ZNF326: variants seen among roughly 807,000 people sequenced by gnomAD.
ZNF326 encodes the protein DBIRD complex subunit ZNF326.
In ZNF326, 30 loss-of-function variants were observed where a neutral mutation model predicts 63.1. The ratio of observed to expected loss-of-function variants is 0.48; its 90% CI spans 0.36 to 0.64. ZNF326 has a LOEUF of 0.64. Among genes scored for constraint, ZNF326 ranks in the 30% least tolerant of loss-of-function variants. ZNF326 has a pLI of 0.00. For synonymous variants in ZNF326, 194 were observed against 228.2 expected (o/e 0.85, Z 1.35); for missense variants, 609 against 720.3 (o/e 0.85, Z 1.77).
chr1:90,010,287 G>A lies in ZNF326; in HGVS notation c.814+1G>A. On this transcript the variant is annotated splice_donor_variant, in intron 6 of 11. Coordinates refer to ENST00000340281, the MANE Select transcript of ZNF326 (RefSeq NM_182976.4). LOFTEE classifies it high-confidence loss of function. Reference sequence around the variant, plus strand: ...AAGATAAGCCTCAGCAAATCACCCAGTAAGTAAGAAAACATAATTGCTATG... The same window carrying A: ...AAGATAAGCCTCAGCAAATCACCCAATAAGTAAGAAAACATAATTGCTATG... 1 of 1,611,592 alleles carries A rather than the reference G, an allele frequency of 6.2e-7. No homozygotes were observed. Among genetic ancestry groups the A allele is most frequent in the Non-Finnish European group, 8.5e-7 (1 of 1,179,068 alleles).
intron 9 of ZNF326, 49 bp from the exon 10 acceptor site, chr1:90,020,743 C>A: frequency 6.5e-7 from 1 of 1,549,572 alleles, no homozygotes; most frequent in South Asian, 1.2e-5. Context: ...CTTCATTGGT[C>A]AGAAATAACA....
Position 90,017,474 on chromosome 1 carries a change from T to A in ZNF326, c.1074+10T>A. ...TATGGAGTTTTTGCATGTGAGTAGC[T>A]GTTTTTGAAGTGAGAAGCATTTTAT... is the stretch of plus-strand genomic sequence containing the variant. On this transcript the variant is annotated intron_variant, in intron 8 of 11. Transcript: ENST00000340281. The A allele has an allele frequency of 6.4e-7, 1 of 1,569,396 alleles. No individual in the cohort carries two copies. The highest frequency in any genetic ancestry group is 1.2e-5 in the South Asian group (1 of 80,886).
intron 8 of ZNF326, 88 bp from the exon 9 acceptor site, chr1:90,018,597 G>A (rs1649611461): frequency 3.1e-6 from 2 of 642,002 alleles, no homozygotes; most frequent in Admixed American, 3.2e-5. Flanking sequence ...AGCAGATACT[G>A]TATCTTCCAT....
At chr1:90,006,104 T>A (rs1277016595) in intron 4 of ZNF326, 1 of 985,322 alleles carries the variant, frequency 1.0e-6, no homozygotes, top group East Asian at 1.1e-4. Flanking sequence ...ATGGACTGAA[T>A]GATGCTTACT....
chr1:90,025,695 T>C (rs1410749734), intron 11 of ZNF326, among the ~76,000 whole-genome samples: 1 of 152,208 alleles, frequency 6.6e-6, no homozygotes, highest in Admixed American at 6.5e-5. Context: ...GAAACTGCTC[T>C]TCCTAAGATT....
chr1:90,000,295 T>A (rs1648608827), intron 2 of ZNF326, among the ~76,000 whole-genome samples: 1 of 152,208 alleles, frequency 6.6e-6, no homozygotes, highest in African/African-American at 2.4e-5. Flanking sequence ...TTGGAAAACA[T>A]GGCAAGATAC....
At position 89,998,164 on chromosome 1, in the gene ZNF326, C is replaced by G; in HGVS notation, c.61+10C>G. 1.9e-6 allele frequency: 3 copies of G among 1,612,526 alleles called. No individual in the cohort carries two copies. The highest frequency in any genetic ancestry group is 2.5e-6 in the Non-Finnish European group (3 of 1,179,616). On this transcript the variant is annotated intron_variant, in intron 2 of 11. Coordinates refer to ENST00000340281, the MANE Select transcript of ZNF326 (RefSeq NM_182976.4). ...TATCAGGGCTTTAATGGTAAGTATC[C>G]TCTTTCAGCTTTTCTCTTCATGCGC...
At chr1:90,004,360 A>T (rs976517612) in intron 2 of ZNF326, among the ~76,000 whole-genome samples, 3 of 152,218 alleles carry the variant, frequency 2.0e-5, no homozygotes, top group African/African-American at 7.2e-5. Flanking sequence ...GAGTTTTCAG[A>T]CATTTAAAGA....
At position 90,028,196 on chromosome 1, in the gene ZNF326, C is replaced by T. The variant is rs1650111888; in HGVS notation, c.*495C>T. 6.5e-6 allele frequency: 1 copy of T among 153,746 alleles called. No individual in the cohort carries two copies. The highest frequency in any genetic ancestry group is 6.4e-5 in the Admixed American group (1 of 15,532). The allele number at this position is 153,746 out of a possible 1,614,324, so 9.5% of individuals were successfully genotyped here. A position where few individuals can be genotyped will look rare whatever the true frequency, so the allele number is the denominator to read the frequency against. On this transcript the variant is annotated 3_prime_UTR_variant, in exon 12 of 12. Coordinates refer to ENST00000340281, the MANE Select transcript of ZNF326 (RefSeq NM_182976.4). Reference sequence around the variant, plus strand: ...AAAGGCTCTTTGTGACCATGTTTCCCTTTGTAGCAATAAAATGTTTTTTAC... The same window carrying T: ...AAAGGCTCTTTGTGACCATGTTTCCTTTTGTAGCAATAAAATGTTTTTTAC...
intron 2 of ZNF326, 74 bp from the exon 3 acceptor site, chr1:90,004,929 T>C (rs1449898174): frequency 3.9e-6 from 5 of 1,273,530 alleles, no homozygotes; most frequent in Non-Finnish European, 5.6e-6. Context: ...GATAGGAATA[T>C]CTTGTGTTTT....
chr1:90,027,302 A>C (rs1650055167), intron 11 of ZNF326, 52 bp from the exon 12 acceptor site: 1 of 1,552,856 alleles, frequency 6.4e-7, no homozygotes, highest in South Asian at 1.2e-5. Flanking sequence ...CACTTGCCAG[A>C]TCATGTAATA....
At chr1:89,998,440 C>CA (rs1648509953) in intron 2 of ZNF326, among the ~76,000 whole-genome samples, 1 of 152,090 alleles carries the variant, frequency 6.6e-6, no homozygotes, top group South Asian at 2.1e-4. Context: ...AATCACAAGA[C>CA]ACTGGCTGAG....
rs1649058400 is a variant in ZNF326, at chr1:90,007,818, G to A, written c.615+68G>A. On this transcript the variant is annotated intron_variant, in intron 5 of 11. Transcript: ENST00000340281. The surrounding 1 kb of genome is among the most constrained non-coding windows in gnomAD (Gnocchi z 4.9). ...TCTTTTAAACCCTTTCAAGACCATC[G>A]TTTTCAACTAGAATAAACACTGTTC... The A allele has an allele frequency of 3.0e-6, 4 of 1,349,502 alleles. No individual in the cohort carries two copies. Among genetic ancestry groups the A allele is most frequent in the Non-Finnish European group, 2.9e-6 (3 of 1,026,938 alleles). The allele number at this position is 1,349,502 out of a possible 1,614,324, so 83.6% of individuals were successfully genotyped here.
chr1:90,026,443 C>A (rs1437319957), intron 11 of ZNF326, among the ~76,000 whole-genome samples: 1 of 152,172 alleles, frequency 6.6e-6, no homozygotes, highest in African/African-American at 2.4e-5. Flanking sequence ...GAACTCTCCT[C>A]TCTTTTGAGT....
chr1:90,021,859 A>T (rs1156315601), intron 10 of ZNF326, among the ~76,000 whole-genome samples: 1 of 152,152 alleles, frequency 6.6e-6, no homozygotes, highest in African/African-American at 2.4e-5. Context: ...TCCTCTGTAT[A>T]ATAGTCTTGA....
rs1256062788 is a variant in ZNF326 at position 90,034,845 on chromosome 1, T to G, written c.*7144T>G. On this transcript the variant is annotated 3_prime_UTR_variant, in exon 12 of 12. Transcript: ENST00000340281. ...TAGACCAGTCTCACTTACGAACAAATGTAATTTGTTGAAACTGGTCATGTT... is the reference window on the plus strand; with the variant it reads ...TAGACCAGTCTCACTTACGAACAAAGGTAATTTGTTGAAACTGGTCATGTT... The G allele has an allele frequency of 6.6e-6, 1 of 152,128 alleles. No individual in the cohort carries two copies. Among genetic ancestry groups the G allele is most frequent in the Non-Finnish European group, 1.5e-5 (1 of 68,002 alleles). 9.4% of individuals were successfully genotyped at this position (152,128 alleles called of 1,614,324 possible).
intron 2 of ZNF326, among the ~76,000 whole-genome samples, chr1:90,002,891 A>C (rs1030188715): frequency 1.1e-4 from 17 of 152,270 alleles, no homozygotes; most frequent in Non-Finnish European, 1.6e-4. Flanking sequence ...ACTAGTTTTT[A>C]TATAAAATGC....
chr1:90,020,698 G>A (rs1649726428), intron 9 of ZNF326, 94 bp from the exon 10 acceptor site: 9 of 1,206,034 alleles, frequency 7.5e-6, no homozygotes, highest in South Asian at 1.5e-5. Flanking sequence ...TTGGAAGAAG[G>A]GGTATAAATA....
In ZNF326 at chr1:90,031,004, A is replaced by AG. The variant is rs1186230683; in HGVS notation, c.*3305dup. The stretch of plus-strand genomic sequence containing the variant: ...TAACAAATATCTCACATGATTTTGA[A>AG]GGTAGTGGTCAGTGATTGCACTTTG... On this transcript the variant is annotated 3_prime_UTR_variant, in exon 12 of 12. Coordinates refer to ENST00000340281, the MANE Select transcript of ZNF326 (RefSeq NM_182976.4). 6.6e-6 allele frequency: 1 copy of AG among 152,212 alleles called. No individual in the cohort carries two copies. The highest frequency in any genetic ancestry group is 2.4e-5 in the African/African-American group (1 of 41,456). 9.4% of individuals were successfully genotyped at this position (152,212 alleles called of 1,614,324 possible).
Sources: gnomAD v4.1 joint callset for allele counts (sites outside exome capture counted in the v4.1 genomes callset) on GRCh38, gnomAD v4.1.1 for gene constraint, Gnocchi (gnomAD v3.1) non-coding constraint, MANE v1.5 for transcripts, NCBI Gene and HGNC (gene_info 2026-07-23, HGNC 2026-07-21) for gene names.